CSMD1: variants seen among roughly 807,000 people sequenced by gnomAD.
CSMD1 encodes CUB and sushi domain-containing protein 1.
In CSMD1, 213 loss-of-function variants were observed where a neutral mutation model predicts 417.5. The observed-to-expected ratio is 0.51, with a 90% CI of 0.46 to 0.57. The LOEUF (loss-of-function observed/expected upper bound fraction) is 0.57, where lower values mean the gene tolerates loss of function less well. CSMD1 is among the 20% of genes least tolerant of loss of function. The pLI is 0.00. For missense variants in CSMD1, 6,923 were observed against 4,529.7 expected (o/e 1.53, Z -15.17); for synonymous variants, 2,862 against 1,736.8 (o/e 1.65, Z -16.11).
intron 11 of CSMD1, among the ~76,000 whole-genome samples, chr8:3,478,135 T>G (rs1298658090): frequency 6.6e-6 from 1 of 152,216 alleles, no homozygotes; most frequent in Admixed American, 6.5e-5. Flanking sequence ...TGGCAGACTT[T>G]ATTTACTGTG....
chr8:3,000,013 G>T lies in CSMD1; in HGVS notation c.8148C>A (p.Ser2716=). 1 of 1,607,970 alleles carries T rather than the reference G, an allele frequency of 6.2e-7. No individual in the cohort carries two copies. Among genetic ancestry groups the T allele is most frequent in the South Asian group, 1.1e-5 (1 of 90,328 alleles). The change falls in exon 53 of 70, where the codon TCC becomes TCA. Residue 2716 remains serine (S), a synonymous_variant. Coordinates refer to ENST00000635120, the MANE Select transcript of CSMD1 (RefSeq NM_033225.6). ...TGTGGTCTTGCAGGCATATCCTCAC[G>T]GAAGTTCCCACAAGCCGGAAACCAG... is the stretch of plus-strand genomic sequence containing the variant. The part of the protein sequence containing the change: ...CNPGFRLVGT[S]VRICLQDHKW...
chr8:4,600,004 G>C (rs184393786), intron 2 of CSMD1, among the ~76,000 whole-genome samples: 97 of 152,304 alleles, frequency 6.4e-4, no homozygotes, highest in Admixed American at 1.2e-3. Flanking sequence ...AACTAGAAAT[G>C]AAAGTCTAGG....
intron 3 of CSMD1, among the ~76,000 whole-genome samples, chr8:4,225,185 A>C (rs576671251): frequency 6.6e-6 from 1 of 152,210 alleles, no homozygotes; most frequent in Non-Finnish European, 1.5e-5. Context: ...TTCAGGACAC[A>C]TGGCAACTCA....
chr8:4,034,437 G>C lies in CSMD1; in HGVS notation c.416-2338C>G, dbSNP rs892726290. The stretch of plus-strand genomic sequence containing the variant: ...TTCACTATTGTCTGCAATCATTTTT[G>C]TCTTTTTTAATAAGAAAATTCTGTA... On this transcript the variant is annotated intron_variant, in intron 3 of 69. Transcript: ENST00000635120. Among the ~76,000 whole-genome samples the C allele has an allele frequency of 4.6e-5, 7 of 152,186 alleles. No individual in the cohort carries two copies. In the East Asian group the frequency reaches 5.8e-4, roughly 13 times the overall value.
intron 7 of CSMD1, among the ~76,000 whole-genome samples, chr8:3,656,957 C>G (rs904380813): frequency 5.9e-5 from 9 of 151,666 alleles, no homozygotes; most frequent in African/African-American, 2.2e-4. Flanking sequence ...ATCAGAGACT[C>G]ACTTTGCAAG....
chr8:4,935,209 A>T (rs1463448207), intron 1 of CSMD1, among the ~76,000 whole-genome samples: 1 of 152,144 alleles, frequency 6.6e-6, no homozygotes, highest in Admixed American at 6.5e-5. Flanking sequence ...GCCTTCCCAT[A>T]TGTGGTCCCT....
chr8:3,526,427 G>C (rs1216588522), intron 10 of CSMD1, among the ~76,000 whole-genome samples: 23 of 151,972 alleles, frequency 1.5e-4, no homozygotes, highest in Admixed American at 1.4e-3. Context: ...CCTAAAGTTA[G>C]TATGCAGTTT....
chr8:3,513,342 T>A (rs1797157177), intron 10 of CSMD1, among the ~76,000 whole-genome samples: 1 of 151,770 alleles, frequency 6.6e-6, no homozygotes, highest in Non-Finnish European at 1.5e-5. Context: ...CCACAGATTT[T>A]TTTTTTTTTT....
intron 3 of CSMD1, among the ~76,000 whole-genome samples, chr8:4,350,838 G>A (rs567659191): frequency 6.6e-6 from 1 of 152,232 alleles, no homozygotes; most frequent in African/African-American, 2.4e-5. Flanking sequence ...CCTTAGCTGT[G>A]GAGACACTAT....
At chr8:4,617,135 C>G (rs971447837) in intron 2 of CSMD1, among the ~76,000 whole-genome samples, 11 of 151,982 alleles carry the variant, frequency 7.2e-5, no homozygotes, top group African/African-American at 2.4e-4. Context: ...CTTATGCCAA[C>G]TAAGACAAGA....
At position 4,540,913 on chromosome 8, in the gene CSMD1, G is replaced by A. The variant is rs552296127; in HGVS notation, c.302+96429C>T. 2.6e-5 allele frequency among the ~76,000 whole-genome samples: 4 copies of A among 152,264 alleles called. No homozygotes were observed. In the South Asian group the frequency reaches 8.3e-4, roughly 32 times the overall value. On this transcript the variant is annotated intron_variant, in intron 2 of 69. Coordinates refer to ENST00000635120, the MANE Select transcript of CSMD1 (RefSeq NM_033225.6). The stretch of plus-strand genomic sequence containing the variant: ...CTGCTAGTCTGCTATTTAATTTTAT[G>A]AGGCTGTAGACTAAACTGAACAGCT...
intron 5 of CSMD1, among the ~76,000 whole-genome samples, chr8:3,774,483 G>C (rs140340513): frequency 9.8e-5 from 15 of 152,290 alleles, no homozygotes; most frequent in African/African-American, 3.1e-4. Flanking sequence ...ATAGGACAGA[G>C]AGACGGTTAA....
At chr8:3,432,970 G>T (rs997909587) in intron 12 of CSMD1, among the ~76,000 whole-genome samples, 1 of 152,106 alleles carries the variant, frequency 6.6e-6, no homozygotes, top group Non-Finnish European at 1.5e-5. Context: ...TTACAGTCAG[G>T]TTCTTCCAGT....
At chr8:4,712,928 A>C (rs1808404304) in intron 1 of CSMD1, among the ~76,000 whole-genome samples, 1 of 152,194 alleles carries the variant, frequency 6.6e-6, no homozygotes, top group African/African-American at 2.4e-5. Context: ...ATTGACATAC[A>C]AGTCTCGCAA....
chr8:4,968,701 C>T (rs751172759), intron 1 of CSMD1, among the ~76,000 whole-genome samples: 9 of 152,142 alleles, frequency 5.9e-5, no homozygotes, highest in Admixed American at 2.0e-4. Context: ...ATACTAACCT[C>T]TACCAGTGGC....
At chr8:3,840,479 T>A (rs1803056310) in intron 5 of CSMD1, among the ~76,000 whole-genome samples, 1 of 152,088 alleles carries the variant, frequency 6.6e-6, no homozygotes, top group Admixed American at 6.6e-5. Flanking sequence ...AGGCATTCAA[T>A]AAATCATTGA....
intron 3 of CSMD1, among the ~76,000 whole-genome samples, chr8:4,340,291 G>T (rs1001104659): frequency 2.0e-5 from 3 of 152,008 alleles, no homozygotes; most frequent in African/African-American, 7.2e-5. Flanking sequence ...CTAGTCATCT[G>T]TGTTTGCAAG....
intron 50 of CSMD1, among the ~76,000 whole-genome samples, chr8:3,037,512 G>A (rs1234863661): frequency 1.3e-5 from 2 of 152,150 alleles, no homozygotes; most frequent in East Asian, 3.9e-4. Context: ...TGGGCACTGT[G>A]TGGATTTCAT....
chr8:3,052,616 T>C lies in CSMD1; in HGVS notation c.7506A>G (p.Gly2502=). ...AVSCGIPESP[G]NGSFTGNEFT... is the part of the protein sequence containing the mutation. ...ACTCGTTCCCGGTAAATGAACCGTT[T>C]CCTGGGGATTCTGGGATTCCACAGG... The change falls in exon 50 of 70, where the codon GGA becomes GGG. Residue 2502 remains glycine, a synonymous_variant. Transcript: ENST00000635120. The C allele has an allele frequency of 1.9e-6, 3 of 1,611,474 alleles. No homozygotes were observed. The highest frequency in any genetic ancestry group is 2.5e-6 in the Non-Finnish European group (3 of 1,178,838).
Sources: allele counts gnomAD v4.1 joint callset (sites outside exome capture counted in the v4.1 genomes callset), GRCh38; gene constraint gnomAD v4.1.1; transcripts MANE v1.5; gene names NCBI Gene and HGNC (gene_info 2026-07-23, HGNC 2026-07-21).